The following C11orf16 variants were observed in gnomAD, a reference collection of about 807,000 sequenced individuals.
C11orf16 encodes the protein uncharacterized protein C11orf16.
A neutral mutation model predicts 45.1 loss-of-function variants in C11orf16; 38 were observed. The ratio of observed to expected loss-of-function variants is 0.84; its 90% confidence interval spans 0.65 to 1.10. The LOEUF (loss-of-function observed/expected upper bound fraction) is 1.10, where lower values mean the gene tolerates loss of function less well. C11orf16 is among the 50% of genes least tolerant of loss of function. The pLI, the probability that C11orf16 is intolerant of heterozygous loss-of-function variation, is 0.00. For synonymous variants in C11orf16, 221 were observed against 222.0 expected (o/e 1.00, Z 0.04); for missense variants, 583 against 569.5 (o/e 1.02, Z -0.24).
chr11:8,922,286 T>C (rs954546842), intron 5 of C11orf16, among the ~76,000 whole-genome samples: 1 of 152,002 alleles, frequency 6.6e-6, no homozygotes, highest in African/African-American at 2.4e-5. Context: ...GGTGGGAGGA[T>C]TGCTTGAGCC....
Position 8,925,769 on chromosome 11 carries a change from C to G in C11orf16, c.898G>C (p.Glu300Gln), listed in dbSNP as rs749664794. ...TCTGGAAGTTCTCTGGCCATGACTT[C>G]TGAGGTCCTGGTTAGAGGCCACCAA... ...TTWWPLTRTSEVMARELPELE... is the reference protein window; with the variant it reads ...TTWWPLTRTSQVMARELPELE... Residue 300 changes from glutamate to glutamine, a missense_variant, in exon 5 of 7, where the codon GAA becomes CAA. Coordinates refer to ENST00000326053, the MANE Select transcript of C11orf16 (RefSeq NM_020643.3). 1.9e-6 allele frequency: 3 copies of G among 1,614,132 alleles called. No homozygotes were observed. In the African/African-American group the frequency reaches 4.0e-5, roughly 22 times the overall value.
At chr11:8,930,049 G>A (rs2064639844) in intron 2 of C11orf16, among the ~76,000 whole-genome samples, 2 of 152,120 alleles carry the variant, frequency 1.3e-5, no homozygotes, top group African/African-American at 4.8e-5. Flanking sequence ...GAATCTGGGA[G>A]GTAGAGGTTG....
intron 3 of C11orf16, 124 bp from the exon 4 acceptor site, chr11:8,927,298 C>G: frequency 1.4e-6 from 1 of 701,254 alleles, no homozygotes; most frequent in Non-Finnish European, 2.4e-6. Context: ...TGACAGGCAC[C>G]TAAAGAAGGG....
intron 3 of C11orf16, chr11:8,928,941 GA>G: frequency 6.2e-6 from 1 of 162,488 alleles, no homozygotes; most frequent in Non-Finnish European, 1.3e-5. Flanking sequence ...TATAAAGGGG[GA>G]AATGTGGGCA....
At chr11:8,932,377 G>A (rs1377255658) in intron 1 of C11orf16, 51 bp from the exon 2 acceptor site, 2 of 1,453,800 alleles carry the variant, frequency 1.4e-6, no homozygotes, top group Non-Finnish European at 1.8e-6. Flanking sequence ...GCAAGCAGTG[G>A]CCACCGGGGC....
At chr11:8,928,100 G>T (rs1566113441) in intron 3 of C11orf16, among the ~76,000 whole-genome samples, 2 of 152,024 alleles carry the variant, frequency 1.3e-5, no homozygotes, top group Non-Finnish European at 2.9e-5. Flanking sequence ...TAGAGACGGG[G>T]TGTCACCACG....
In C11orf16 at chr11:8,932,141, C is replaced by A. The variant is rs780875774; in HGVS notation, c.167+1G>T. 2.0e-5 allele frequency: 32 copies of A among 1,575,102 alleles called. No individual in the cohort carries two copies. Among genetic ancestry groups the A allele is most frequent in the Non-Finnish European group, 1.7e-6 (2 of 1,161,006 alleles). On this transcript the variant is annotated splice_donor_variant, in intron 2 of 6. Transcript: ENST00000326053. LOFTEE classifies it high-confidence loss of function. ...TCCCCCAGAGGGGCAGAGACAGGTA[C>A]CTTGCAAGGGGCTTGTGCCCGGTGA...
intron 6 of C11orf16, among the ~76,000 whole-genome samples, chr11:8,921,067 A>AG (rs953947083): frequency 6.6e-6 from 1 of 152,204 alleles, no homozygotes; most frequent in African/African-American, 2.4e-5. Flanking sequence ...CCAATACCAT[A>AG]GAACAGAGGG....
intron 2 of C11orf16, among the ~76,000 whole-genome samples, chr11:8,930,195 G>A (rs542727475): frequency 2.2e-4 from 33 of 152,090 alleles, no homozygotes; most frequent in Non-Finnish European, 4.1e-4. Context: ...TTGGGAGGCC[G>A]AGATGGGCGG....
intron 5 of C11orf16, among the ~76,000 whole-genome samples, chr11:8,924,847 C>G (rs2064598919): frequency 6.6e-6 from 1 of 152,180 alleles, no homozygotes; most frequent in South Asian, 2.1e-4. Flanking sequence ...AGGATGGGCT[C>G]CCCGAACCTA....
At chr11:8,932,441 C>T in intron 1 of C11orf16, 115 bp from the exon 2 acceptor site, 1 of 801,240 alleles carries the variant, frequency 1.2e-6, no homozygotes, top group Non-Finnish European at 1.9e-6. Flanking sequence ...TGAGTCCATG[C>T]ACGGCCCTAC....
In C11orf16 at chr11:8,929,843, A is replaced by C. The variant is rs539746875; in HGVS notation, c.168-310T>G. ...TTCCTACACTAGACAACAGACTGGAAAAGTGTGGCTCAAGCCTGTAATCCC... is the reference window on the plus strand; with the variant it reads ...TTCCTACACTAGACAACAGACTGGACAAGTGTGGCTCAAGCCTGTAATCCC... On this transcript the variant is annotated intron_variant, in intron 2 of 6. Transcript: ENST00000326053. Among the ~76,000 whole-genome samples the C allele has an allele frequency of 7.0e-4, 107 of 152,252 alleles. 1 individual carries two copies. The highest frequency in any genetic ancestry group is 2.5e-3 in the African/African-American group (103 of 41,554).
intron 5 of C11orf16, 47 bp downstream of exon 5, chr11:8,925,416 G>A (rs775995286): frequency 1.3e-6 from 2 of 1,558,532 alleles, no homozygotes; most frequent in Admixed American, 1.9e-5. Context: ...AAGGGAGGCG[G>A]GGCCCCAGCC....
At chr11:8,926,188 T>A in intron 4 of C11orf16, 81 bp from the exon 5 acceptor site, 2 of 784,928 alleles carry the variant, frequency 2.5e-6, no homozygotes, top group Non-Finnish European at 3.3e-6. Flanking sequence ...TTCTTTTCTT[T>A]TTTTTTTTTT....
intron 3 of C11orf16, 145 bp downstream of exon 3, chr11:8,929,232 A>T: frequency 2.5e-6 from 2 of 814,744 alleles, no homozygotes; most frequent in Non-Finnish European, 3.8e-6. Flanking sequence ...CAATGGTATT[A>T]CATGTTCACT....
In C11orf16 at chr11:8,929,375, G is replaced by C; in HGVS notation, c.324+2C>G. On this transcript the variant is annotated splice_donor_variant, in intron 3 of 6. Transcript: ENST00000326053. LOFTEE classifies it high-confidence loss of function. ...AGGGAGATACTGGGGTCAGGGACTT[G>C]CCTCGGGAGTGGCCTTTATTTGGGC... 5 of 1,613,278 alleles carry C rather than the reference G, an allele frequency of 3.1e-6. No homozygotes were observed. The highest frequency in any genetic ancestry group is 4.2e-6 in the Non-Finnish European group (5 of 1,179,566).
In C11orf16 at chr11:8,925,914, C is replaced by G. The variant is rs2064608377; in HGVS notation, c.753G>C (p.Gly251=). ...CCGGAGGAAGCTCATTAGTGATGCGCCCAGTGATTGGCCCTAGCAGAGAGC... is the reference window on the plus strand; with the variant it reads ...CCGGAGGAAGCTCATTAGTGATGCGGCCAGTGATTGGCCCTAGCAGAGAGC... ...PCCSLLGPIT[G]RITNELPPDA... is the part of the protein sequence containing the mutation. The change falls in exon 5 of 7, where the codon GGG becomes GGC. Residue 251 remains glycine, a synonymous_variant. Coordinates refer to ENST00000326053, the MANE Select transcript of C11orf16 (RefSeq NM_020643.3). 6.2e-7 allele frequency: 1 copy of G among 1,614,058 alleles called. No individual in the cohort carries two copies. Among genetic ancestry groups the G allele is most frequent in the African/African-American group, 1.3e-5 (1 of 74,928 alleles).
Position 8,932,137 on chromosome 11 carries a change from G to A in C11orf16, c.167+5C>T. ...CACTTCCCCCAGAGGGGCAGAGACA[G>A]GTACCTTGCAAGGGGCTTGTGCCCG... On this transcript the variant is annotated splice_donor_5th_base_variant and intron_variant, in intron 2 of 6. Transcript: ENST00000326053. The A allele has an allele frequency of 6.4e-7, 1 of 1,573,238 alleles. No individual in the cohort carries two copies. Among genetic ancestry groups the A allele is most frequent in the Non-Finnish European group, 8.6e-7 (1 of 1,159,928 alleles).
chr11:8,920,269 C>T lies in C11orf16; in HGVS notation c.*204G>A, dbSNP rs897809948. On this transcript the variant is annotated 3_prime_UTR_variant, in exon 7 of 7. Coordinates refer to ENST00000326053, the MANE Select transcript of C11orf16 (RefSeq NM_020643.3). Reference sequence around the variant, plus strand: ...AGCCCCAGGGCAGGATCCCACATTCCTATAGCCCTCACAACAGGTGCCTTC... The same window carrying T: ...AGCCCCAGGGCAGGATCCCACATTCTTATAGCCCTCACAACAGGTGCCTTC... 8 of 463,060 alleles carry T rather than the reference C, an allele frequency of 1.7e-5. No homozygotes were observed. In the Admixed American group the frequency reaches 3.0e-4, roughly 17 times the overall value. The allele number at this position is 463,060 out of a possible 1,614,324, so 28.7% of individuals were successfully genotyped here.
Sources: allele counts gnomAD v4.1 joint callset (sites outside exome capture counted in the v4.1 genomes callset), GRCh38; gene constraint gnomAD v4.1.1; transcripts MANE v1.5; gene names NCBI Gene and HGNC (gene_info 2026-07-23, HGNC 2026-07-21).